PTPRD: variants seen among roughly 807,000 people sequenced by gnomAD.
PTPRD encodes the protein receptor-type tyrosine-protein phosphatase delta.
In PTPRD, 34 loss-of-function variants were observed where a neutral mutation model predicts 214.5. The ratio of observed to expected loss-of-function variants is 0.16; its 90% confidence interval spans 0.12 to 0.21. The LOEUF is 0.21. Ranked by LOEUF, PTPRD falls within the 10% of genes least tolerant of loss-of-function variation. The pLI is 1.00. For synonymous variants in PTPRD, 1,128 were observed against 845.7 expected (o/e 1.33, Z -5.79); for missense variants, 2,545 against 2,398.7 (o/e 1.06, Z -1.27).
chr9:8,981,942 C>G (rs1002946366), intron 11 of PTPRD, among the ~76,000 whole-genome samples: 2 of 152,078 alleles, frequency 1.3e-5, no homozygotes, highest in Non-Finnish European at 2.9e-5. Flanking sequence ...CACTGACTCT[C>G]TAGGATGATT....
intron 8 of PTPRD, among the ~76,000 whole-genome samples, chr9:9,535,602 AT>A (rs913476831): frequency 3.6e-4 from 54 of 152,036 alleles, no homozygotes; most frequent in African/African-American, 1.1e-3. Context: ...TGGTGAAAAT[AT>A]TTTTTTTCTT....
At chr9:10,304,856 C>A (rs1246099001) in intron 3 of PTPRD, among the ~76,000 whole-genome samples, 2 of 152,100 alleles carry the variant, frequency 1.3e-5, no homozygotes, top group Admixed American at 6.5e-5. Flanking sequence ...AGATTCAATG[C>A]TATTTCCGTC....
At chr9:8,584,756 T>C (rs1325725865) in intron 14 of PTPRD, among the ~76,000 whole-genome samples, 1 of 152,164 alleles carries the variant, frequency 6.6e-6, no homozygotes, top group African/African-American at 2.4e-5. Flanking sequence ...AATGGAGACA[T>C]ACCTGAGAAT....
chr9:9,905,047 T>C (rs1206362119), intron 5 of PTPRD, among the ~76,000 whole-genome samples: 1 of 152,054 alleles, frequency 6.6e-6, no homozygotes, highest in Admixed American at 6.6e-5. Flanking sequence ...TGTTTAATAT[T>C]CATTGTGATC....
chr9:9,557,627 C>A (rs1400884279), intron 8 of PTPRD, among the ~76,000 whole-genome samples: 3 of 152,202 alleles, frequency 2.0e-5, no homozygotes, highest in African/African-American at 7.2e-5. Context: ...AAGACTGCTA[C>A]CTAGAGACTT....
chr9:8,629,533 A>C (rs2096176599), intron 14 of PTPRD, among the ~76,000 whole-genome samples: 2 of 151,776 alleles, frequency 1.3e-5, no homozygotes, highest in South Asian at 4.1e-4. Flanking sequence ...CTTGCTCTTC[A>C]CTGAAAGCCT....
chr9:8,356,608 T>C (rs1019626685), intron 39 of PTPRD, among the ~76,000 whole-genome samples: 2 of 152,218 alleles, frequency 1.3e-5, no homozygotes, highest in Non-Finnish European at 1.5e-5. Flanking sequence ...GTTATAAAAA[T>C]ATTTTCACAT....
At chr9:9,384,231 G>T (rs1355270876) in intron 9 of PTPRD, among the ~76,000 whole-genome samples, 2 of 150,342 alleles carry the variant, frequency 1.3e-5, no homozygotes, top group Admixed American at 6.7e-5. Flanking sequence ...AATAAATCTA[G>T]GCTTCTTTGG....
intron 21 of PTPRD, among the ~76,000 whole-genome samples, chr9:8,517,558 C>G (rs983634017): frequency 6.6e-6 from 1 of 152,142 alleles, no homozygotes; most frequent in African/African-American, 2.4e-5. Context: ...TTTCTATTCT[C>G]AAAACTGGGC....
chr9:9,503,479 T>A (rs995176395), intron 8 of PTPRD, among the ~76,000 whole-genome samples: 3 of 151,604 alleles, frequency 2.0e-5, no homozygotes, highest in Non-Finnish European at 4.4e-5. Context: ...CTCAAGTATC[T>A]GGGCTCATAA....
intron 2 of PTPRD, among the ~76,000 whole-genome samples, chr9:10,578,053 A>G (rs1322870588): frequency 6.6e-6 from 1 of 151,836 alleles, no homozygotes; most frequent in Admixed American, 6.6e-5. Flanking sequence ...CTGGGATTAC[A>G]GGTGCACCAT....
chr9:9,748,211 T>C (rs2098477624), intron 6 of PTPRD, among the ~76,000 whole-genome samples: 1 of 152,208 alleles, frequency 6.6e-6, no homozygotes. Flanking sequence ...ATCTTCTATG[T>C]CTTATTACTT....
intron 8 of PTPRD, among the ~76,000 whole-genome samples, chr9:9,477,143 G>A (rs2095111007): frequency 6.6e-6 from 1 of 152,128 alleles, no homozygotes; most frequent in Non-Finnish European, 1.5e-5. Flanking sequence ...GTAGGCCATT[G>A]GAAAAGACAG....
At chr9:9,955,758 C>T (rs531082869) in intron 4 of PTPRD, among the ~76,000 whole-genome samples, 4 of 152,210 alleles carry the variant, frequency 2.6e-5, no homozygotes, top group Non-Finnish European at 4.4e-5. Context: ...CTCCTGACCT[C>T]GTGATAGCCC....
At chr9:10,373,986 T>C (rs1204262696) in intron 2 of PTPRD, among the ~76,000 whole-genome samples, 1 of 152,086 alleles carries the variant, frequency 6.6e-6, no homozygotes, top group Non-Finnish European at 1.5e-5. Flanking sequence ...TTTGGTCAGA[T>C]CATCCCCCGA....
chr9:9,619,507 T>C (rs1237436652), intron 7 of PTPRD, among the ~76,000 whole-genome samples: 1 of 146,816 alleles, frequency 6.8e-6, no homozygotes, highest in Non-Finnish European at 1.5e-5. Flanking sequence ...TATTATATTA[T>C]ATAAATATAA....
chr9:9,835,100 T>G (rs1399317839), intron 5 of PTPRD, among the ~76,000 whole-genome samples: 1 of 152,086 alleles, frequency 6.6e-6, no homozygotes, highest in African/African-American at 2.4e-5. Context: ...TGGCATCATA[T>G]TGCTAGTACC....
chr9:10,591,956 T>G (rs1380690805), intron 2 of PTPRD, among the ~76,000 whole-genome samples: 2 of 152,140 alleles, frequency 1.3e-5, no homozygotes, highest in African/African-American at 4.8e-5. Context: ...GATTGCAGCC[T>G]TGTAAGAGAT....
In PTPRD at chr9:8,358,794, T is replaced by C. The variant is rs137991695; in HGVS notation, c.4662-16816A>G. On this transcript the variant is annotated intron_variant, in intron 39 of 45. Coordinates refer to ENST00000381196, the MANE Select transcript of PTPRD (RefSeq NM_002839.4). ...GAAACCAATATTTAACTTTATTTTC[T>C]GGTTTAAATCCTCTCAGGAAAAAAA... 9.7e-4 allele frequency among the ~76,000 whole-genome samples: 147 copies of C among 152,094 alleles called. 1 individual carries two copies. The highest frequency in any genetic ancestry group is 3.4e-3 in the African/African-American group (140 of 41,494).
Sources: allele counts gnomAD v4.1 joint callset (sites outside exome capture counted in the v4.1 genomes callset), GRCh38; gene constraint gnomAD v4.1.1; transcripts MANE v1.5; gene names NCBI Gene and HGNC (gene_info 2026-07-23, HGNC 2026-07-21).